Variants in TENM2 observed in about 807,000 individuals in gnomAD.
The protein encoded by TENM2 is teneurin-2.
A neutral mutation model predicts 245.2 loss-of-function variants in TENM2; 52 were observed. The ratio of observed to expected loss-of-function variants is 0.21; its 90% CI spans 0.17 to 0.27. TENM2 has a LOEUF of 0.27. TENM2 is among the 10% of genes least tolerant of loss of function. The probability of loss-of-function intolerance (pLI) is 1.00; values close to 1 mark genes in which losing one functional copy is unlikely to be tolerated. For missense variants in TENM2, 3,046 were observed against 3,666.8 expected, an observed-to-expected ratio of 0.83 and a Z score of 4.37; for synonymous variants, 1,363 against 1,438.9, an observed-to-expected ratio of 0.95 and a Z score of 1.19.
At chr5:167,042,148 A>G in the TENM2 span, among the ~76,000 whole-genome samples, 13 of 152,234 alleles carry the variant, frequency 8.5e-5, no homozygotes, top group Admixed American at 7.9e-4. Flanking sequence ...ACATGAAGAT[A>G]CAAATCATTA....
At chr5:167,644,432 A>G (rs912344839) in intron 2 of TENM2, among the ~76,000 whole-genome samples, 12 of 152,136 alleles carry the variant, frequency 7.9e-5, no homozygotes, top group African/African-American at 2.9e-4. Flanking sequence ...GATGGTGTGG[A>G]TTTCAAGACT....
At chr5:168,019,953 G>C (rs1028431007) in intron 5 of TENM2, among the ~76,000 whole-genome samples, 1 of 152,224 alleles carries the variant, frequency 6.6e-6, no homozygotes, top group African/African-American at 2.4e-5. Context: ...GCAAGGAACA[G>C]TGGAACTACA....
chr5:167,959,134 GGCCCTTTCACATAGTCCC>G (rs1780788854), intron 4 of TENM2, among the ~76,000 whole-genome samples: 1 of 151,416 alleles, frequency 6.6e-6, no homozygotes, highest in African/African-American at 2.4e-5. Context: ...ATGCAGGTTT[GGCCCTTTCACATAGTCCC>G]ATATTTCTTG....
chr5:167,514,590 T>A (rs57178789), intron 2 of TENM2, among the ~76,000 whole-genome samples: 13,802 of 152,268 alleles, frequency 0.091, 680 homozygotes, highest in South Asian at 0.21. Context: ...GTTCTAGAGA[T>A]TCCAGAGAAA....
chr5:167,368,935 G>A (rs540713390), intron 1 of TENM2, among the ~76,000 whole-genome samples: 1 of 152,242 alleles, frequency 6.6e-6, no homozygotes, highest in Non-Finnish European at 1.5e-5. Context: ...CCCCAGCAAG[G>A]AGAGAGGGAG....
chr5:167,231,012 C>T, the TENM2 span, among the ~76,000 whole-genome samples: 2 of 152,100 alleles, frequency 1.3e-5, no homozygotes, highest in Non-Finnish European at 2.9e-5. Context: ...GTGGCATTTC[C>T]ACCACTTGCA....
intron 2 of TENM2, among the ~76,000 whole-genome samples, chr5:167,529,112 T>C (rs894157913): frequency 2.6e-5 from 4 of 152,210 alleles, no homozygotes; most frequent in African/African-American, 9.6e-5. Context: ...TCTGGAGAAC[T>C]CTTTTCTCTT....
At chr5:167,703,725 A>T (rs541531855) in intron 2 of TENM2, among the ~76,000 whole-genome samples, 1 of 152,310 alleles carries the variant, frequency 6.6e-6, no homozygotes, top group East Asian at 1.9e-4. Context: ...ACTAGTCTTC[A>T]AAAATGTATA....
chr5:168,122,006 G>A (rs1341044942), intron 10 of TENM2, among the ~76,000 whole-genome samples: 2 of 152,122 alleles, frequency 1.3e-5, no homozygotes, highest in African/African-American at 4.8e-5. Context: ...CACAATTTCT[G>A]CTTCCTATCG....
chr5:167,616,018 T>C (rs1171236433), intron 2 of TENM2, among the ~76,000 whole-genome samples: 1 of 152,188 alleles, frequency 6.6e-6, no homozygotes, highest in Non-Finnish European at 1.5e-5. Flanking sequence ...TAAAATCATT[T>C]AATTAAATTC....
chr5:167,711,592 C>T (rs1368076106), intron 2 of TENM2, among the ~76,000 whole-genome samples: 2 of 152,180 alleles, frequency 1.3e-5, no homozygotes, highest in African/African-American at 4.8e-5. Flanking sequence ...ACATCAAACC[C>T]ACTGTTTATC....
chr5:167,247,812 G>T, the TENM2 span, among the ~76,000 whole-genome samples: 1 of 152,136 alleles, frequency 6.6e-6, no homozygotes, highest in Non-Finnish European at 1.5e-5. Flanking sequence ...AAGAGCTGTA[G>T]AACCTCTAAT....
intron 7 of TENM2, among the ~76,000 whole-genome samples, chr5:168,081,942 G>A (rs915674893): frequency 6.6e-6 from 1 of 152,092 alleles, no homozygotes; most frequent in Middle Eastern, 3.2e-3. Flanking sequence ...TATCTTTGTG[G>A]CATTCTCTTC....
intron 1 of TENM2, among the ~76,000 whole-genome samples, chr5:167,329,535 G>A (rs1757305677): frequency 8.3e-6 from 1 of 120,430 alleles, no homozygotes; most frequent in Non-Finnish European, 1.6e-5. Flanking sequence ...CTGTGTGACA[G>A]GGCCAGACTC....
At chr5:167,093,862 T>TA in the TENM2 span, among the ~76,000 whole-genome samples, 5 of 152,198 alleles carry the variant, frequency 3.3e-5, no homozygotes, top group South Asian at 1.0e-3. Context: ...TAGGATAGAC[T>TA]AACCCATAGC....
chr5:167,263,978 G>A, the TENM2 span, among the ~76,000 whole-genome samples: 5 of 151,772 alleles, frequency 3.3e-5, no homozygotes, highest in Non-Finnish European at 5.9e-5. Context: ...AGTGGCAGGC[G>A]CCTGTAATCC....
At chr5:167,883,186 C>T (rs1050843635) in intron 3 of TENM2, among the ~76,000 whole-genome samples, 3 of 152,190 alleles carry the variant, frequency 2.0e-5, no homozygotes, top group African/African-American at 7.2e-5. Context: ...GCTCCACCAA[C>T]ACAAACCTGG....
intron 2 of TENM2, among the ~76,000 whole-genome samples, chr5:167,428,618 C>T (rs954929866): frequency 6.6e-6 from 1 of 151,990 alleles, no homozygotes; most frequent in African/African-American, 2.4e-5. Flanking sequence ...ATTAATTTGC[C>T]TGCAATGCTT....
the TENM2 span, among the ~76,000 whole-genome samples, chr5:167,009,247 C>T: frequency 6.6e-6 from 1 of 152,194 alleles, no homozygotes; most frequent in East Asian, 1.9e-4. Context: ...CATATACACA[C>T]TCACTCTATT....
Sources: allele counts gnomAD v4.1 joint callset (sites outside exome capture counted in the v4.1 genomes callset), GRCh38; gene constraint gnomAD v4.1.1; transcripts MANE v1.5; gene names NCBI Gene and HGNC (gene_info 2026-07-23, HGNC 2026-07-21).